The following TSHZ2 variants were observed in gnomAD, a reference collection of about 807,000 sequenced individuals.
TSHZ2 encodes the protein teashirt zinc finger homeobox 2.
Under a neutral mutation model 74.4 loss-of-function variants are expected in TSHZ2, and 21 were observed. The ratio of observed to expected loss-of-function variants is 0.28; its 90% CI spans 0.20 to 0.41. TSHZ2 has a LOEUF of 0.41. TSHZ2 is among the 10% of genes least tolerant of loss of function. The pLI is 1.00. For missense variants in TSHZ2, 1,244 were observed against 1,293.5 expected (o/e 0.96, Z 0.59); for synonymous variants, 540 against 515.3 (o/e 1.05, Z -0.65).
At chr20:53,407,073 T>C (rs770477889) in intron 2 of TSHZ2, among the ~76,000 whole-genome samples, 7 of 152,222 alleles carry the variant, frequency 4.6e-5, no homozygotes, top group Non-Finnish European at 8.8e-5. Context: ...GGTAACATCA[T>C]GTGTACAGTG....
Position 53,488,097 on chromosome 20 carries a change from A to G in TSHZ2, c.*962A>G, listed in dbSNP as rs1041577376. 1.1e-4 allele frequency: 17 copies of G among 152,220 alleles called. No individual in the cohort carries two copies. The highest frequency in any genetic ancestry group is 4.1e-4 in the African/African-American group (17 of 41,466). 9.4% of individuals were successfully genotyped at this position (152,220 alleles called of 1,614,324 possible). A position where few individuals can be genotyped will look rare whatever the true frequency, so the allele number is the denominator to read the frequency against. ...GGGCTCTAAAACGCAGCTTAGCTTT[A>G]GAAGCAACAGAAAGCATGAAATAGG... On this transcript the variant is annotated 3_prime_UTR_variant, in exon 3 of 3. Coordinates refer to ENST00000371497, the MANE Select transcript of TSHZ2 (RefSeq NM_173485.6).
At chr20:53,404,117 GA>G (rs1234760907) in intron 2 of TSHZ2, among the ~76,000 whole-genome samples, 1 of 152,160 alleles carries the variant, frequency 6.6e-6, no homozygotes, top group Non-Finnish European at 1.5e-5. Context: ...ACATTTCAAG[GA>G]TGGCCTTTTC....
At position 53,234,524 on chromosome 20, in the gene TSHZ2, C is replaced by T. The variant is rs573844944; in HGVS notation, c.41-18975C>T. ...AGCTACAAGTTGGTAAGTATGAAGG[C>T]AAAAGAAAAATAGAACAGAAGAAGG... On this transcript the variant is annotated intron_variant, in intron 1 of 2. Coordinates refer to ENST00000371497, the MANE Select transcript of TSHZ2 (RefSeq NM_173485.6). 2.5e-3 allele frequency among the ~76,000 whole-genome samples: 375 copies of T among 151,906 alleles called. 3 individuals carry two copies. Among genetic ancestry groups the T allele is most frequent in the African/African-American group, 8.7e-3 (360 of 41,420 alleles).
intron 2 of TSHZ2, among the ~76,000 whole-genome samples, chr20:53,349,954 C>T (rs1980586273): frequency 6.6e-6 from 1 of 152,166 alleles, no homozygotes; most frequent in African/African-American, 2.4e-5. Flanking sequence ...GTTTTCTTGC[C>T]TGTTCAGCTT....
At chr20:53,162,036 ACCTCAAC>A (rs1027553254) in intron 1 of TSHZ2, among the ~76,000 whole-genome samples, 1 of 152,156 alleles carries the variant, frequency 6.6e-6, no homozygotes, top group African/African-American at 2.4e-5. Flanking sequence ...GCAAATCTGA[ACCTCAAC>A]CCTTGTCATC....
At chr20:53,053,243 A>G (rs1329589138) in intron 1 of TSHZ2, among the ~76,000 whole-genome samples, 1 of 152,140 alleles carries the variant, frequency 6.6e-6, no homozygotes, top group Non-Finnish European at 1.5e-5. Context: ...ACCAAATAAT[A>G]TTTCATGAAA....
At chr20:53,094,778 T>G (rs1208511698) in intron 1 of TSHZ2, among the ~76,000 whole-genome samples, 7 of 152,184 alleles carry the variant, frequency 4.6e-5, no homozygotes, top group African/African-American at 1.7e-4. Flanking sequence ...GTACCTGTGC[T>G]TCCAGAAATC....
chr20:53,067,589 C>G lies in TSHZ2; in HGVS notation c.40+94256C>G, dbSNP rs1985031885. Among the ~76,000 whole-genome samples, 3 of 152,358 alleles carry G rather than the reference C, an allele frequency of 2.0e-5. No individual in the cohort carries two copies. In the South Asian group the frequency reaches 6.2e-4, roughly 32 times the overall value. ...GCCAGCGCCTCACTCCCAGAATGCA[C>G]AGTTCTCCCAAGCTGCTTCCAGAGC... On this transcript the variant is annotated intron_variant, in intron 1 of 2. Transcript: ENST00000371497.
Position 53,383,904 on chromosome 20 carries a change from AAT to A in TSHZ2, c.*9-103237_*9-103236del, listed in dbSNP as rs375773212. 2.5e-4 allele frequency among the ~76,000 whole-genome samples: 38 copies of A among 152,348 alleles called. No individual in the cohort carries two copies. The East Asian group carries it at 7.1e-3, about 29-fold the overall frequency. ...AGGATAAATGATTAACTGTTCCCTT[AAT>A]ATGATTTCAGGAAGTAACCAAAAAG... is the stretch of plus-strand genomic sequence containing the variant. On this transcript the variant is annotated intron_variant, in intron 2 of 2. Transcript: ENST00000371497.
At chr20:53,314,778 C>A (rs34344491) in intron 2 of TSHZ2, among the ~76,000 whole-genome samples, 1 of 151,968 alleles carries the variant, frequency 6.6e-6, no homozygotes, top group Non-Finnish European at 1.5e-5. Flanking sequence ...CCTGCCACCA[C>A]GCCTGGCTAA....
chr20:53,445,953 C>T (rs1984528365), intron 2 of TSHZ2, among the ~76,000 whole-genome samples: 1 of 152,180 alleles, frequency 6.6e-6, no homozygotes, highest in Non-Finnish European at 1.5e-5. Flanking sequence ...CCACAGGCCT[C>T]AGAGGCAAGC....
rs781636617 is a variant in TSHZ2 at position 53,223,347 on chromosome 20, A to G, written c.41-30152A>G. On this transcript the variant is annotated intron_variant, in intron 1 of 2. Transcript: ENST00000371497. ...TGACAAGAATTATGCCAAGCTTTTT[A>G]AAAAGCCAGACTCAAAAGGTTACTT... 5.3e-5 allele frequency among the ~76,000 whole-genome samples: 8 copies of G among 152,156 alleles called. 1 individual carries two copies. Among genetic ancestry groups the G allele is most frequent in the Middle Eastern group, 3.2e-3 (1 of 316 alleles).
intron 1 of TSHZ2, among the ~76,000 whole-genome samples, chr20:53,062,469 T>A (rs1984853459): frequency 6.6e-6 from 1 of 152,252 alleles, no homozygotes; most frequent in African/African-American, 2.4e-5. Flanking sequence ...TTACAACATA[T>A]ACCACATTTA....
chr20:53,464,641 T>C (rs1340357314), intron 2 of TSHZ2, among the ~76,000 whole-genome samples: 1 of 152,150 alleles, frequency 6.6e-6, no homozygotes, highest in African/African-American at 2.4e-5. Context: ...TTTTTACTTT[T>C]TACTTTTTGT....
intron 2 of TSHZ2, among the ~76,000 whole-genome samples, chr20:53,433,163 A>G (rs1983905283): frequency 6.6e-6 from 1 of 152,210 alleles, no homozygotes; most frequent in Admixed American, 6.5e-5. Context: ...CTTAGCTGCA[A>G]GATGCTGTGA....
At chr20:53,369,349 G>A (rs1039439762) in intron 2 of TSHZ2, among the ~76,000 whole-genome samples, 3 of 152,184 alleles carry the variant, frequency 2.0e-5, no homozygotes, top group Admixed American at 6.6e-5. Context: ...CATGAATAGA[G>A]GAGGAGGTAA....
intron 1 of TSHZ2, among the ~76,000 whole-genome samples, chr20:53,069,407 G>A (rs1039241076): frequency 6.6e-6 from 1 of 152,022 alleles, no homozygotes; most frequent in Non-Finnish European, 1.5e-5. Flanking sequence ...TGTCCCGTAT[G>A]CAGCCCCTTT....
At chr20:53,384,692 T>C (rs760382448) in intron 2 of TSHZ2, among the ~76,000 whole-genome samples, 1 of 152,204 alleles carries the variant, frequency 6.6e-6, no homozygotes, top group Non-Finnish European at 1.5e-5. Flanking sequence ...AAATGCCCCC[T>C]GACCAAAAAT....
chr20:53,001,234 G>A (rs6013593), intron 1 of TSHZ2, among the ~76,000 whole-genome samples: 297 of 137,680 alleles, frequency 2.2e-3, no homozygotes, highest in African/African-American at 6.7e-3. Flanking sequence ...GTGTGTGTGT[G>A]TGTGTGTGTG....
Sources: gnomAD v4.1 joint callset for allele counts (sites outside exome capture counted in the v4.1 genomes callset) on GRCh38, gnomAD v4.1.1 for gene constraint, MANE v1.5 for transcripts, NCBI Gene and HGNC (gene_info 2026-07-23, HGNC 2026-07-21) for gene names.